Variants in CTPS2 observed in about 807,000 individuals in gnomAD.
The protein encoded by CTPS2 is CTP synthase II.
Under a neutral mutation model 46.8 loss-of-function variants are expected in CTPS2, and 19 were observed. The observed-to-expected ratio is 0.41, with a 90% CI of 0.28 to 0.60. The LOEUF (loss-of-function observed/expected upper bound fraction) is 0.60, where lower values mean the gene tolerates loss of function less well. Among genes scored for constraint, CTPS2 ranks in the 20% least tolerant of loss-of-function variants. The probability of loss-of-function intolerance (pLI) is 0.35; values close to 1 mark genes in which losing one functional copy is unlikely to be tolerated. For missense variants in CTPS2, 286 were observed against 447.6 expected, an observed-to-expected ratio of 0.64 and a Z score of 3.26; for synonymous variants, 151 against 165.2, an observed-to-expected ratio of 0.91 and a Z score of 0.66.
intron 17 of CTPS2, among the ~76,000 whole-genome samples, chrX:16,596,325 A>G (rs912055683): frequency 2.8e-5 from 3 of 106,845 alleles, no homozygotes; most frequent in African/African-American, 1.0e-4. Context: ...ATATCTCCCA[A>G]TGCTATCCCT....
intron 13 of CTPS2, among the ~76,000 whole-genome samples, chrX:16,645,558 G>T (rs1470642900): frequency 1.8e-5 from 2 of 112,009 alleles, no homozygotes; most frequent in Non-Finnish European, 3.8e-5. Flanking sequence ...GCGCTGCTGT[G>T]TCACCAAGTA....
chrX:16,613,242 AT>A (rs1305523337), intron 16 of CTPS2, among the ~76,000 whole-genome samples: 2 of 112,083 alleles, frequency 1.8e-5, no homozygotes, highest in Non-Finnish European at 3.8e-5. Context: ...TCACGGTACC[AT>A]TTTTACAGTA....
At chrX:16,706,108 A>G (rs1186871594) in intron 1 of CTPS2, among the ~76,000 whole-genome samples, 1 of 109,286 alleles carries the variant, frequency 9.2e-6, no homozygotes, top group Non-Finnish European at 1.9e-5. Context: ...CTCAAAAAAA[A>G]AAAAAGAAAG....
intron 15 of CTPS2, among the ~76,000 whole-genome samples, chrX:16,617,913 T>G (rs1291789736): frequency 8.9e-6 from 1 of 112,162 alleles, no homozygotes; most frequent in African/African-American, 3.2e-5. Context: ...ATTTTAAAAT[T>G]ATACCAGTTC....
intron 10 of CTPS2, among the ~76,000 whole-genome samples, chrX:16,676,296 T>C (rs192045432): frequency 1.8e-5 from 2 of 111,778 alleles, no homozygotes; most frequent in Admixed American, 1.9e-4. Context: ...ACAGTCCCTG[T>C]ACAGGGTTTC....
chrX:16,636,995 CA>C (rs1317252627), intron 14 of CTPS2, among the ~76,000 whole-genome samples: 1 of 112,434 alleles, frequency 8.9e-6, no homozygotes, highest in East Asian at 2.8e-4. Context: ...TATTATATCT[CA>C]ATAAAGTTGT....
intron 14 of CTPS2, among the ~76,000 whole-genome samples, chrX:16,624,175 A>G (rs1472053214): frequency 1.8e-5 from 2 of 111,279 alleles, no homozygotes; most frequent in Non-Finnish European, 3.8e-5. Flanking sequence ...CATACAACAG[A>G]TACGATATAC....
At chrX:16,645,463 C>T (rs926420633) in intron 13 of CTPS2, among the ~76,000 whole-genome samples, 2 of 110,759 alleles carry the variant, frequency 1.8e-5, no homozygotes, top group South Asian at 3.9e-4. Flanking sequence ...ACTCAGAGGC[C>T]GAGTACACAC....
At chrX:16,605,027 G>A (rs1046988831) in intron 17 of CTPS2, among the ~76,000 whole-genome samples, 5 of 112,281 alleles carry the variant, frequency 4.5e-5, no homozygotes, top group African/African-American at 1.3e-4. Context: ...CTGCTTGCAG[G>A]GTTAGTTCTT....
At chrX:16,592,943 C>T (rs1277039923) in intron 17 of CTPS2, among the ~76,000 whole-genome samples, 1 of 111,485 alleles carries the variant, frequency 9.0e-6, no homozygotes, top group Non-Finnish European at 1.9e-5. Flanking sequence ...CATGAGATAG[C>T]TCTGCAACTC....
chrX:16,642,561 G>A (rs899918872), intron 13 of CTPS2, among the ~76,000 whole-genome samples: 4 of 111,413 alleles, frequency 3.6e-5, no homozygotes, highest in South Asian at 3.8e-4. Flanking sequence ...CTCAGGAAGC[G>A]GAAGGTCAGG....
chrX:16,665,982 C>T (rs1921143029), intron 13 of CTPS2, among the ~76,000 whole-genome samples: 1 of 112,276 alleles, frequency 8.9e-6, no homozygotes, highest in African/African-American at 3.2e-5. Context: ...GAACTCCTGA[C>T]CTCAAGTGAT....
chrX:16,620,517 T>C (rs1930769058), intron 14 of CTPS2, among the ~76,000 whole-genome samples, 185 bp from the exon 15 acceptor site: 1 of 111,955 alleles, frequency 8.9e-6, no homozygotes, highest in Non-Finnish European at 1.9e-5. Context: ...ATAGCTTCTT[T>C]GAAAACCTGA....
Position 16,688,830 on chromosome X carries a change from A to G in CTPS2, c.872+620T>C, listed in dbSNP as rs1331082743. Among the ~76,000 whole-genome samples, 4 of 111,593 alleles carry G rather than the reference A, an allele frequency of 3.6e-5. No individual in the cohort carries two copies. In the Admixed American group the frequency reaches 3.8e-4, roughly 11 times the overall value. ...TGTTTAAGGCCAGGCATGGTGGCTC[A>G]TGCCTATAATCCCAGCACTTTGGGA... On this transcript the variant is annotated intron_variant, in intron 8 of 18. Coordinates refer to ENST00000359276, the MANE Select transcript of CTPS2 (RefSeq NM_175859.3).
intron 8 of CTPS2, among the ~76,000 whole-genome samples, chrX:16,684,421 A>T (rs1023208868): frequency 9.3e-6 from 1 of 107,136 alleles, no homozygotes; most frequent in African/African-American, 3.4e-5. Flanking sequence ...AGGCAGGAGA[A>T]TCACTTGAAC....
intron 7 of CTPS2, 27 bp downstream of exon 7, chrX:16,691,513 C>T: frequency 4.3e-6 from 5 of 1,159,444 alleles, no homozygotes; most frequent in Non-Finnish European, 5.9e-6. Context: ...GCCTGCCAGA[C>T]AATAAAATCT....
In CTPS2 at chrX:16,620,270, G is replaced by T; in HGVS notation, c.1449+7C>A. On this transcript the variant is annotated splice_region_variant and intron_variant, in intron 15 of 18. Transcript: ENST00000359276. ...TATTCCCCAGTAATTCAGCATGAAA[G>T]CCGTACCTCGAACCGATGTCTGTGT... 1 of 1,190,787 alleles carries T rather than the reference G, an allele frequency of 8.4e-7. No individual in the cohort carries two copies. The highest frequency in any genetic ancestry group is 1.1e-6 in the Non-Finnish European group (1 of 877,574).
At chrX:16,639,057 G>T (rs1287482631) in intron 14 of CTPS2, 90 bp downstream of exon 14, 14 of 679,142 alleles carry the variant, frequency 2.1e-5, no homozygotes, top group Non-Finnish European at 3.4e-5. Flanking sequence ...GAAGGGGCAG[G>T]GGGAGTCTCC....
chrX:16,706,362 G>A (rs957027764), intron 1 of CTPS2, among the ~76,000 whole-genome samples: 5 of 111,310 alleles, frequency 4.5e-5, no homozygotes, highest in African/African-American at 1.6e-4. Context: ...GGCAGAGGTT[G>A]CAGTGAGCCC....
Sources: allele counts gnomAD v4.1 joint callset (sites outside exome capture counted in the v4.1 genomes callset), GRCh38; gene constraint gnomAD v4.1.1; transcripts MANE v1.5; gene names NCBI Gene and HGNC (gene_info 2026-07-23, HGNC 2026-07-21).